The following ASPDH variants were observed in gnomAD, a reference collection of about 807,000 sequenced individuals.
The protein encoded by ASPDH is aspartate dehydrogenase domain containing, also known as aspartate dehydrogenase domain-containing protein.
Under a neutral mutation model 30.5 loss-of-function variants are expected in ASPDH, and 25 were observed. The ratio of observed to expected loss-of-function variants is 0.82; its 90% CI spans 0.60 to 1.14. ASPDH has a LOEUF of 1.14. Among genes scored for constraint, ASPDH ranks in the 50% most tolerant of loss-of-function variants. The pLI is 0.00. For missense variants in ASPDH, 401 were observed against 381.5 expected, an observed-to-expected ratio of 1.05 and a Z score of -0.43; for synonymous variants, 168 against 156.3, an observed-to-expected ratio of 1.07 and a Z score of -0.56.
Position 50,512,246 on chromosome 19 carries a change from CG to C in ASPDH, c.697del (p.Arg233GlyfsTer87). 6.2e-7 allele frequency: 1 copy of C among 1,612,708 alleles called. No homozygotes were observed. The highest frequency in any genetic ancestry group is 1.1e-5 in the South Asian group (1 of 91,030). ...AGCAAAGCTTCGGCCCGTGGGGCCC[CG>C]GGGTCCGCTCAGCTCTACATCCACC... ...HVVDVELSGP[R>X]GPTGRSFAVH... On this transcript the variant is annotated frameshift_variant, in exon 6 of 7. Coordinates refer to ENST00000389208, the MANE Select transcript of ASPDH (RefSeq NM_001114598.2). LOFTEE classifies it high-confidence loss of function.
chr19:50,511,840 C>T (rs1264351522), intron 6 of ASPDH, 67 bp from the exon 7 acceptor site: 1 of 1,043,968 alleles, frequency 9.6e-7, no homozygotes. Flanking sequence ...CTGGGGGAGG[C>T]AGTGGTGGGA....
At chr19:50,514,740 A>G, upstream of ASPDH, 23 of 1,220,546 alleles carry the variant, frequency 1.9e-5, no homozygotes, top group Non-Finnish European at 2.4e-5. Context: ...CAGTGTTTCC[A>G]TGGCAACCAG....
upstream of ASPDH, chr19:50,514,598 C>G (rs1333251496): frequency 1.2e-6 from 2 of 1,610,038 alleles, no homozygotes; most frequent in East Asian, 2.2e-5. Context: ...GAGAAGCCTT[C>G]GAGGCCTGGA....
chr19:50,513,855 C>T lies in ASPDH; in HGVS notation c.-32G>A. Reference sequence around the variant, plus strand: ...GAGTGCGGTGTCTGGGGCCTGGCTCCCTGGGCTGCTCGCTGCCCGCTGCAC... The same window carrying T: ...GAGTGCGGTGTCTGGGGCCTGGCTCTCTGGGCTGCTCGCTGCCCGCTGCAC... On this transcript the variant is annotated 5_prime_UTR_variant, in exon 1 of 7. Transcript: ENST00000389208. This position sits in a 1 kb window ranked among gnomAD's most constrained non-coding sequence, Gnocchi z 4.9. The T allele has an allele frequency of 6.5e-7, 1 of 1,545,862 alleles. No homozygotes were observed. The highest frequency in any genetic ancestry group is 8.7e-7 in the Non-Finnish European group (1 of 1,144,832).
chr19:50,511,805 AGAG>A (rs1979902482), intron 6 of ASPDH, 32 bp from the exon 7 acceptor site: 1 of 1,271,688 alleles, frequency 7.9e-7, no homozygotes, highest in Non-Finnish European at 1.0e-6. Flanking sequence ...CGAATGAGAC[AGAG>A]GAGAGATGAG....
intron 3 of ASPDH, 22 bp from the exon 4 acceptor site, chr19:50,512,832 A>G: frequency 6.2e-7 from 1 of 1,600,926 alleles, no homozygotes; most frequent in South Asian, 1.1e-5. Flanking sequence ...GAAGGAGGGG[A>G]GGGTTGAGGT....
chr19:50,512,140 G>A lies in ASPDH; in HGVS notation c.804C>T (p.Leu268=), dbSNP rs919072405. ...GGGAGAGGGGCCTGGCCGCACCCAG[G>A]AGGCTCTGCCAGAAGGCCGTGACGG... is the stretch of plus-strand genomic sequence containing the variant. ...SATVTAFWQS[L]LACCQLPSRP... is the part of the protein sequence containing the mutation. The change falls in exon 6 of 7, where the codon CTC becomes CTT. Residue 268 remains leucine (L), a synonymous_variant. Coordinates refer to ENST00000389208, the MANE Select transcript of ASPDH (RefSeq NM_001114598.2). 9 of 1,553,262 alleles carry A rather than the reference G, an allele frequency of 5.8e-6. No individual in the cohort carries two copies. The highest frequency in any genetic ancestry group is 6.9e-6 in the Non-Finnish European group (8 of 1,155,650).
rs201238450 is a variant in ASPDH at position 50,512,955 on chromosome 19, G to T, written c.254C>A (p.Ala85Glu). 3.1e-6 allele frequency: 5 copies of T among 1,613,618 alleles called. No homozygotes were observed. The African/African-American group carries it at 4.0e-5, about 13-fold the overall frequency. ...GAGATTGGCATGGCGCAGGATTTGT[G>T]CCCCAGATTCATGGATTATTTTGGG... ...AHPKIIHESG[A>E]QILRHANLLV... Residue 85 changes from alanine to glutamate, a missense_variant, in exon 3 of 7, where the codon GCA (alanine) becomes GAA (glutamate). Coordinates refer to ENST00000389208, the MANE Select transcript of ASPDH (RefSeq NM_001114598.2).
chr19:50,513,643 C>G lies in ASPDH; in HGVS notation c.52+129G>C. ...AGGACAGAGACCTGGGGTGGGGGTG[C>G]AGTGGGCAGACCCAGAGACACAGCC... On this transcript the variant is annotated intron_variant, in intron 1 of 6. Transcript: ENST00000389208. This position sits in a 1 kb window ranked among gnomAD's most constrained non-coding sequence, Gnocchi z 4.9. 1 of 802,300 alleles carries G rather than the reference C, an allele frequency of 1.2e-6. No homozygotes were observed. The highest frequency in any genetic ancestry group is 2.7e-5 in the East Asian group (1 of 36,890). 49.7% of individuals were successfully genotyped at this position (802,300 alleles called of 1,614,324 possible).
At position 50,513,741 on chromosome 19, in the gene ASPDH, G is replaced by A. The variant is rs1298297562; in HGVS notation, c.52+31C>T. 1.3e-6 allele frequency: 2 copies of A among 1,482,470 alleles called. No individual in the cohort carries two copies. The highest frequency in any genetic ancestry group is 2.8e-5 in the African/African-American group (2 of 71,726). The allele number at this position is 1,482,470 out of a possible 1,614,324, so 91.8% of individuals were successfully genotyped here. On this transcript the variant is annotated intron_variant, in intron 1 of 6. Coordinates refer to ENST00000389208, the MANE Select transcript of ASPDH (RefSeq NM_001114598.2). This position sits in a 1 kb window ranked among gnomAD's most constrained non-coding sequence, Gnocchi z 4.9. The stretch of plus-strand genomic sequence containing the variant: ...TTGGGAGCTTTAGGAAGGGGTTTGG[G>A]GAAGGAGGCCAAGGATGGTCAGGGA...
chr19:50,514,734 G>T, upstream of ASPDH: 1 of 1,237,514 alleles, frequency 8.1e-7, no homozygotes, highest in South Asian at 1.5e-5. Flanking sequence ...CCGCTGCAGT[G>T]TTTCCATGGC....
intron 6 of ASPDH, 110 bp from the exon 7 acceptor site, chr19:50,511,883 G>T: frequency 1.2e-6 from 1 of 808,504 alleles, no homozygotes; most frequent in Non-Finnish European, 1.8e-6. Flanking sequence ...GGTGGAGGAA[G>T]ACCCGGAGAG....
rs1273347875 is a variant in ASPDH at position 50,513,319 on chromosome 19, G to A, written c.150C>T (p.Ser50=). 3 of 1,533,348 alleles carry A rather than the reference G, an allele frequency of 2.0e-6. No individual in the cohort carries two copies. Among genetic ancestry groups the A allele is most frequent in the Non-Finnish European group, 2.6e-6 (3 of 1,138,808 alleles). The allele number at this position is 1,533,348 out of a possible 1,614,324, so 95.0% of individuals were successfully genotyped here. The change falls in exon 2 of 7, where the codon AGC becomes AGT. Residue 50 remains serine, a synonymous_variant. Coordinates refer to ENST00000389208, the MANE Select transcript of ASPDH (RefSeq NM_001114598.2). The surrounding 1 kb of genome is among the most constrained non-coding windows in gnomAD (Gnocchi z 4.9). ...TCTGGAGCTGCAGGGAAGGGGGCAC[G>A]CTCCCTGCCATTCGTCCTGGGTCAC... is the stretch of plus-strand genomic sequence containing the variant. ...WNRDPGRMAG[S]VPPSLQLQNL...
At chr19:50,511,990 T>C (rs1049226141) in intron 6 of ASPDH, 146 bp downstream of exon 6, 8 of 802,048 alleles carry the variant, frequency 1.0e-5, no homozygotes, top group Non-Finnish European at 1.3e-5. Context: ...TTCAAAGTCA[T>C]GGAGAGAGGT....
Position 50,513,009 on chromosome 19 carries a change from C to G in ASPDH, c.200G>C (p.Arg67Pro). The G allele has an allele frequency of 6.2e-7, 1 of 1,612,272 alleles. No individual in the cohort carries two copies. Among genetic ancestry groups the G allele is most frequent in the South Asian group, 1.1e-5 (1 of 90,844 alleles). The change falls in exon 3 of 7, where the codon CGC becomes CCC. Residue 67 changes from arginine to proline, a missense_variant and splice_region_variant. Physicochemically the swap from Arg to Pro is moderately radical, Grantham distance 103 (BLOSUM62 -2). Coordinates refer to ENST00000389208, the MANE Select transcript of ASPDH (RefSeq NM_001114598.2). The surrounding 1 kb of genome is among the most constrained non-coding windows in gnomAD (Gnocchi z 4.9). The part of the protein sequence containing the change: ...LQNLAALGER[R>P]PDLVVEVAHP... Reference sequence around the variant, plus strand: ...GGCCACTTCCACAACCAGATCAGGGCGCCTGGGAGAGGGGAAAGAGGGCGG... The same window carrying G: ...GGCCACTTCCACAACCAGATCAGGGGGCCTGGGAGAGGGGAAAGAGGGCGG...
In ASPDH at chr19:50,512,538, G is replaced by A. The variant is rs759100637; in HGVS notation, c.475C>T (p.Leu159Phe). The change falls in exon 5 of 7, where the codon CTT (leucine) becomes TTT (phenylalanine). Residue 159 changes from leucine (L) to phenylalanine (F), a missense_variant. Leu to Phe is a conservative substitution (Grantham distance 22). Transcript: ENST00000389208. ...TGGGCTGCAGCCAGGGGTCCCTCAA[G>A]CCGGAAGCCATCGGGGTGTGTGGCC... ...TMATHPDGFRLEGPLAAAHSP... is the reference protein window; with the variant it reads ...TMATHPDGFRFEGPLAAAHSP... 1.3e-6 allele frequency: 2 copies of A among 1,537,004 alleles called. No homozygotes were observed. Among genetic ancestry groups the A allele is most frequent in the Non-Finnish European group, 1.7e-6 (2 of 1,145,360 alleles).
At position 50,513,854 on chromosome 19, in the gene ASPDH, C is replaced by T. The variant is rs1308522908; in HGVS notation, c.-31G>A. The T allele has an allele frequency of 1.3e-6, 2 of 1,545,744 alleles. No individual in the cohort carries two copies. The highest frequency in any genetic ancestry group is 1.7e-6 in the Non-Finnish European group (2 of 1,144,848). On this transcript the variant is annotated 5_prime_UTR_variant, in exon 1 of 7. Transcript: ENST00000389208. This position sits in a 1 kb window ranked among gnomAD's most constrained non-coding sequence, Gnocchi z 4.9. ...TGAGTGCGGTGTCTGGGGCCTGGCT[C>T]CCTGGGCTGCTCGCTGCCCGCTGCA... is the stretch of plus-strand genomic sequence containing the variant.
Position 50,513,487 on chromosome 19 carries a change from G to A in ASPDH, c.53-71C>T. 1 of 1,412,022 alleles carries A rather than the reference G, an allele frequency of 7.1e-7. No homozygotes were observed. Among genetic ancestry groups the A allele is most frequent in the Non-Finnish European group, 9.4e-7 (1 of 1,068,022 alleles). 87.5% of individuals were successfully genotyped at this position (1,412,022 alleles called of 1,614,324 possible). Reference sequence around the variant, plus strand: ...ACAGAGACCCAGAGAGAGAGGAGGTGGGGACAGAGACCCAGAGAGAGAGGA... The same window carrying A: ...ACAGAGACCCAGAGAGAGAGGAGGTAGGGACAGAGACCCAGAGAGAGAGGA... On this transcript the variant is annotated intron_variant, in intron 1 of 6. Transcript: ENST00000389208. The surrounding 1 kb of genome is among the most constrained non-coding windows in gnomAD (Gnocchi z 4.9).
Position 50,512,689 on chromosome 19 carries a change from C to T in ASPDH, c.404G>A (p.Arg135Lys). ...RGALWGAEDIRRLDAAGGLRS... is the reference protein window; with the variant it reads ...RGALWGAEDIKRLDAAGGLRS... The stretch of plus-strand genomic sequence containing the variant: ...GAGGCCCCCAGCTGCATCCAATCTC[C>T]TGATGTCCTCAGCGCCCCACAGGGC... The change falls in exon 4 of 7, where the codon AGG becomes AAG. Residue 135 changes from arginine (R) to lysine (K), a missense_variant. Physicochemically the swap from Arg to Lys is conservative, Grantham distance 26. Transcript: ENST00000389208. The T allele has an allele frequency of 3.2e-6, 5 of 1,550,254 alleles. No individual in the cohort carries two copies. Among genetic ancestry groups the T allele is most frequent in the Admixed American group, 3.9e-5 (2 of 50,668 alleles).
Sources: allele counts gnomAD v4.1 joint callset, GRCh38; gene constraint gnomAD v4.1.1; non-coding constraint Gnocchi (gnomAD v3.1); transcripts MANE v1.5; gene names NCBI Gene and HGNC (gene_info 2026-07-23, HGNC 2026-07-21).